The following PTPRT variants were observed in gnomAD, a reference collection of about 807,000 sequenced individuals.
PTPRT encodes receptor-type tyrosine-protein phosphatase T.
PTPRT carries 56 observed loss-of-function variants against 176.8 expected under a neutral mutation model. The ratio of observed to expected loss-of-function variants is 0.32; its 90% CI spans 0.26 to 0.40. The LOEUF (loss-of-function observed/expected upper bound fraction) is 0.40. PTPRT is among the 10% of genes least tolerant of loss of function. The pLI is 1.00. For missense variants in PTPRT, 1,540 were observed against 1,908.2 expected (o/e 0.81, Z 3.60); for synonymous variants, 783 against 739.0 (o/e 1.06, Z -0.96).
chr20:42,732,283 C>T (rs965062132), intron 6 of PTPRT, among the ~76,000 whole-genome samples: 4 of 152,220 alleles, frequency 2.6e-5, no homozygotes, highest in Non-Finnish European at 5.9e-5. Context: ...ACATTCCAAT[C>T]ACAGCAGAAA....
intron 15 of PTPRT, among the ~76,000 whole-genome samples, chr20:42,215,771 C>T (rs914107804): frequency 1.2e-5 from 1 of 80,432 alleles, no homozygotes; most frequent in Non-Finnish European, 3.5e-5. Flanking sequence ...CTAGGAGACT[C>T]CTTGCAGCAT....
At chr20:43,032,316 T>C (rs1986170440) in intron 1 of PTPRT, among the ~76,000 whole-genome samples, 1 of 151,958 alleles carries the variant, frequency 6.6e-6, no homozygotes, top group African/African-American at 2.4e-5. Context: ...GGGTAACATA[T>C]TGAGTAGGTC....
At chr20:42,870,706 T>G (rs2078830588) in intron 2 of PTPRT, among the ~76,000 whole-genome samples, 1 of 152,232 alleles carries the variant, frequency 6.6e-6, no homozygotes, top group African/African-American at 2.4e-5. Flanking sequence ...ATGATTCTAT[T>G]TCAAGAACTG....
At chr20:42,140,226 C>CTT (rs201555533) in intron 18 of PTPRT, among the ~76,000 whole-genome samples, 11 of 147,030 alleles carry the variant, frequency 7.5e-5, no homozygotes, top group Admixed American at 2.0e-4. Flanking sequence ...ATTCAGGATC[C>CTT]TTTTTTTTTT....
At chr20:42,149,278 G>T (rs1428128793) in intron 17 of PTPRT, among the ~76,000 whole-genome samples, 1 of 152,188 alleles carries the variant, frequency 6.6e-6, no homozygotes, top group African/African-American at 2.4e-5. Flanking sequence ...TCTAGAAAGG[G>T]AGGCTCTCCA....
At chr20:42,897,314 C>A (rs942635589) in intron 1 of PTPRT, among the ~76,000 whole-genome samples, 2 of 152,196 alleles carry the variant, frequency 1.3e-5, no homozygotes, top group Admixed American at 6.5e-5. Context: ...TCATTTGGTT[C>A]TTTTTCTGTG....
intron 25 of PTPRT, among the ~76,000 whole-genome samples, 158 bp from the exon 26 acceptor site, chr20:42,102,455 T>C (rs976795990): frequency 7.9e-5 from 12 of 152,200 alleles, no homozygotes; most frequent in African/African-American, 2.9e-4. Flanking sequence ...TCCACGGTGA[T>C]GTTCTGTCCT....
intron 12 of PTPRT, among the ~76,000 whole-genome samples, chr20:42,300,050 G>A (rs2057439880): frequency 6.7e-6 from 1 of 150,256 alleles, no homozygotes; most frequent in Non-Finnish European, 1.5e-5. Flanking sequence ...CTGAGGTCAG[G>A]TGTTTGAGAC....
intron 26 of PTPRT, among the ~76,000 whole-genome samples, chr20:42,099,568 G>T (rs1436052441): frequency 8.8e-6 from 1 of 114,072 alleles, no homozygotes; most frequent in Non-Finnish European, 1.8e-5. Flanking sequence ...GGGTGGGGTG[G>T]TCTGGCAGCT....
At chr20:42,335,339 C>T (rs1003314023) in intron 11 of PTPRT, among the ~76,000 whole-genome samples, 1 of 152,140 alleles carries the variant, frequency 6.6e-6, no homozygotes, top group African/African-American at 2.4e-5. Flanking sequence ...AGCACAGCAC[C>T]TCCAGTCAAC....
At chr20:42,605,121 A>T (rs76652348) in intron 7 of PTPRT, among the ~76,000 whole-genome samples, 3,191 of 152,306 alleles carry the variant, frequency 0.021, 129 homozygotes, top group African/African-American at 0.073. Context: ...AGGCACATGC[A>T]AGGCACAGGC....
intron 1 of PTPRT, among the ~76,000 whole-genome samples, chr20:43,106,573 C>T (rs1275698430): frequency 6.8e-6 from 1 of 147,972 alleles, no homozygotes; most frequent in East Asian, 2.0e-4. Flanking sequence ...AGGAGAATTG[C>T]TGGAACATGG....
chr20:42,823,825 G>A (rs1347024087), intron 2 of PTPRT, among the ~76,000 whole-genome samples: 6 of 151,254 alleles, frequency 4.0e-5, no homozygotes, highest in African/African-American at 7.3e-5. Flanking sequence ...AAAAGCAAGA[G>A]ATAAAATTAC....
intron 12 of PTPRT, among the ~76,000 whole-genome samples, chr20:42,310,626 T>C (rs932941324): frequency 1.3e-5 from 2 of 149,934 alleles, no homozygotes; most frequent in African/African-American, 4.9e-5. Context: ...TTATTGGAGA[T>C]TTTTTTTTTG....
intron 16 of PTPRT, among the ~76,000 whole-genome samples, chr20:42,176,575 C>T (rs578006230): frequency 1.3e-4 from 20 of 152,284 alleles, no homozygotes; most frequent in African/African-American, 4.1e-4. Flanking sequence ...ATAACCTGCA[C>T]ACTTATGGGA....
chr20:42,910,681 A>C (rs1451679089), intron 1 of PTPRT, among the ~76,000 whole-genome samples: 2 of 152,232 alleles, frequency 1.3e-5, no homozygotes, highest in Non-Finnish European at 2.9e-5. Context: ...CCACAAGAGC[A>C]TCATAAGAGA....
intron 1 of PTPRT, among the ~76,000 whole-genome samples, chr20:43,126,684 T>C (rs1009665105): frequency 6.6e-6 from 1 of 152,218 alleles, no homozygotes; most frequent in Non-Finnish European, 1.5e-5. Context: ...TATTTAAAGA[T>C]TGAAAAATAA....
intron 9 of PTPRT, among the ~76,000 whole-genome samples, chr20:42,412,301 G>C (rs551463203): frequency 5.9e-5 from 9 of 152,236 alleles, no homozygotes; most frequent in Admixed American, 4.6e-4. Flanking sequence ...AAAAGCACAT[G>C]AAAAATTCCC....
intron 2 of PTPRT, among the ~76,000 whole-genome samples, chr20:42,796,068 G>C (rs2077449642): frequency 6.6e-6 from 1 of 152,154 alleles, no homozygotes; most frequent in Non-Finnish European, 1.5e-5. Flanking sequence ...GGAATACGAA[G>C]GAACAGAGAG....
Sources: allele counts gnomAD v4.1 joint callset (sites outside exome capture counted in the v4.1 genomes callset), GRCh38; gene constraint gnomAD v4.1.1; transcripts MANE v1.5; gene names NCBI Gene and HGNC (gene_info 2026-07-23, HGNC 2026-07-21).